The following FAM168A variants were observed in gnomAD, a reference collection of about 807,000 sequenced individuals.
FAM168A encodes family with sequence similarity 168 member A.
FAM168A carries 3 observed loss-of-function variants against 28.5 expected under a neutral mutation model. The ratio of observed to expected loss-of-function variants is 0.11; its 90% CI spans 0.05 to 0.27. FAM168A has a LOEUF of 0.27. Among genes scored for constraint, FAM168A ranks in the 10% least tolerant of loss-of-function variants. The pLI is 1.00. For synonymous variants in FAM168A, 122 were observed against 124.2 expected (o/e 0.98, Z 0.12); for missense variants, 222 against 311.5 (o/e 0.71, Z 2.16).
chr11:73,564,321 A>G (rs1943993296), intron 1 of FAM168A, among the ~76,000 whole-genome samples: 1 of 152,154 alleles, frequency 6.6e-6, no homozygotes, highest in African/African-American at 2.4e-5. Context: ...CATTGCTGAG[A>G]TAAGAAGGAA....
chr11:73,442,292 A>AT (rs1199112539), intron 2 of FAM168A, among the ~76,000 whole-genome samples: 1 of 151,652 alleles, frequency 6.6e-6, no homozygotes, highest in Non-Finnish European at 1.5e-5. Context: ...CGCACGGCTA[A>AT]TTTTTTGTAT....
chr11:73,422,078 C>T (rs529592268), intron 3 of FAM168A, among the ~76,000 whole-genome samples: 119 of 152,246 alleles, frequency 7.8e-4, no homozygotes, highest in Middle Eastern at 3.4e-3. Context: ...GGGAGCGCCA[C>T]GGTGGAAGGG....
Position 73,407,452 on chromosome 11 carries a change from G to A in FAM168A, c.*18+61C>T, listed in dbSNP as rs969561921. ...ACCTGTGCTCCAGACCCAAACCAGGGACTTTGAGGCAGTTCCTGTATGTAT... is the reference window on the plus strand; with the variant it reads ...ACCTGTGCTCCAGACCCAAACCAGGAACTTTGAGGCAGTTCCTGTATGTAT... On this transcript the variant is annotated intron_variant, in intron 7 of 7. Transcript: ENST00000356467. 18 of 1,214,124 alleles carry A rather than the reference G, an allele frequency of 1.5e-5. No individual in the cohort carries two copies. The South Asian group carries it at 3.0e-4, about 20-fold the overall frequency. 75.2% of individuals were successfully genotyped at this position (1,214,124 alleles called of 1,614,324 possible).
At chr11:73,478,715 A>G (rs1347268078) in intron 1 of FAM168A, among the ~76,000 whole-genome samples, 3 of 152,348 alleles carry the variant, frequency 2.0e-5, no homozygotes, top group East Asian at 3.9e-4. Flanking sequence ...CTCATTTTAT[A>G]TAAACTGATA....
At chr11:73,593,306 A>G (rs1013984339) in intron 1 of FAM168A, among the ~76,000 whole-genome samples, 4 of 152,142 alleles carry the variant, frequency 2.6e-5, no homozygotes, top group Non-Finnish European at 5.9e-5. Context: ...TTATTCTTTA[A>G]GTTGTGGGTT....
intron 1 of FAM168A, 108 bp from the exon 2 acceptor site, chr11:73,468,600 G>T: frequency 1.1e-6 from 1 of 908,352 alleles, no homozygotes; most frequent in African/African-American, 1.7e-5. Flanking sequence ...GCATCAGGGT[G>T]TAGTGGAAAG....
At chr11:73,498,413 T>A (rs1163823197) in intron 1 of FAM168A, among the ~76,000 whole-genome samples, 2 of 152,068 alleles carry the variant, frequency 1.3e-5, no homozygotes, top group African/African-American at 4.8e-5. Flanking sequence ...AACCCACGGA[T>A]CAGAAGATCC....
At chr11:73,422,310 A>G (rs187897597) in intron 3 of FAM168A, among the ~76,000 whole-genome samples, 12 of 152,256 alleles carry the variant, frequency 7.9e-5, no homozygotes, top group Admixed American at 3.3e-4. Flanking sequence ...GAATAAAAAT[A>G]TTTTTCTTTA....
chr11:73,468,292 T>C (rs1867766331), intron 2 of FAM168A, 113 bp downstream of exon 2: 4 of 908,698 alleles, frequency 4.4e-6, no homozygotes, highest in Non-Finnish European at 6.8e-6. Context: ...CTTCTGCATG[T>C]TCCCAAACTT....
intron 1 of FAM168A, among the ~76,000 whole-genome samples, chr11:73,514,396 T>A (rs1007066314): frequency 9.2e-5 from 14 of 152,208 alleles, no homozygotes; most frequent in African/African-American, 2.9e-4. Context: ...AATTTCTATG[T>A]TGTCAAAAGC....
chr11:73,512,091 ATAAATGT>A (rs1855238331), intron 1 of FAM168A, among the ~76,000 whole-genome samples: 1 of 152,242 alleles, frequency 6.6e-6, no homozygotes, highest in South Asian at 2.1e-4. Context: ...AGGAAACTGG[ATAAATGT>A]GCCTACCATG....
At chr11:73,421,805 G>A (rs763719519) in intron 3 of FAM168A, among the ~76,000 whole-genome samples, 2 of 152,156 alleles carry the variant, frequency 1.3e-5, no homozygotes, top group Non-Finnish European at 2.9e-5. Context: ...TCAAGACCCC[G>A]CAGGAATGCC....
At chr11:73,587,906 C>T (rs1009437073) in intron 1 of FAM168A, among the ~76,000 whole-genome samples, 2 of 152,056 alleles carry the variant, frequency 1.3e-5, no homozygotes, top group African/African-American at 2.4e-5. Flanking sequence ...TGTGCCACCA[C>T]GCCCAGCAAA....
intron 1 of FAM168A, among the ~76,000 whole-genome samples, chr11:73,526,868 CAAAAAAAA>C (rs61073226): frequency 3.9e-5 from 2 of 51,902 alleles, no homozygotes; most frequent in Non-Finnish European, 3.7e-5. Context: ...GACTCCATCT[CAAAAAAAA>C]AAAAAAAAAA....
chr11:73,569,484 A>G (rs1448212806), intron 1 of FAM168A, among the ~76,000 whole-genome samples: 1 of 152,240 alleles, frequency 6.6e-6, no homozygotes, highest in Non-Finnish European at 1.5e-5. Flanking sequence ...AGTATAAATG[A>G]AAGTATCTAT....
intron 1 of FAM168A, among the ~76,000 whole-genome samples, chr11:73,594,379 G>A (rs1468001074): frequency 6.6e-6 from 1 of 151,614 alleles, no homozygotes; most frequent in African/African-American, 2.4e-5. Flanking sequence ...GATTATGGGC[G>A]TGAGCCACTA....
intron 1 of FAM168A, among the ~76,000 whole-genome samples, chr11:73,581,588 C>A (rs929684548): frequency 6.6e-6 from 1 of 152,238 alleles, no homozygotes; most frequent in East Asian, 1.9e-4. Context: ...ATTGTCCACA[C>A]ATAAGACCTA....
At chr11:73,523,863 T>C (rs61893574) in intron 1 of FAM168A, among the ~76,000 whole-genome samples, 1 of 7,900 alleles carries the variant, frequency 1.3e-4, no homozygotes, top group African/African-American at 5.1e-4. Context: ...TCTTTTCCCC[T>C]ATTTTTTTTT....
At chr11:73,425,046 ACT>A in intron 3 of FAM168A, 2 of 1,530,406 alleles carry the variant, frequency 1.3e-6, no homozygotes, top group Non-Finnish European at 1.7e-6. Flanking sequence ...AGGAACTGAA[ACT>A]CTGTTGGATA....
Sources: gnomAD v4.1 joint callset for allele counts (sites outside exome capture counted in the v4.1 genomes callset) on GRCh38, gnomAD v4.1.1 for gene constraint, MANE v1.5 for transcripts, NCBI Gene and HGNC (gene_info 2026-07-23, HGNC 2026-07-21) for gene names.